Variants in CERS3 observed in about 807,000 individuals in gnomAD.
CERS3 encodes LAG1 homolog, ceramide synthase 3.
CERS3 carries 33 observed loss-of-function variants against 50.3 expected under a neutral mutation model. The observed-to-expected ratio is 0.66, with a 90% CI of 0.50 to 0.88. CERS3 has a LOEUF of 0.88. Ranked by LOEUF, CERS3 falls within the 40% of genes least tolerant of loss-of-function variation. CERS3 has a pLI of 0.00. For missense variants in CERS3, 470 were observed against 460.3 expected, an observed-to-expected ratio of 1.02 and a Z score of -0.19; for synonymous variants, 176 against 155.2, an observed-to-expected ratio of 1.13 and a Z score of -0.99.
intron 3 of CERS3, among the ~76,000 whole-genome samples, chr15:100,494,543 T>C (rs1352238720): frequency 6.6e-6 from 1 of 152,056 alleles, no homozygotes; most frequent in Admixed American, 6.6e-5. Context: ...CTTAGTCACC[T>C]TTTTTGAATT....
chr15:100,465,047 T>C (rs1327263448), intron 10 of CERS3, among the ~76,000 whole-genome samples: 3 of 152,086 alleles, frequency 2.0e-5, no homozygotes, highest in African/African-American at 7.2e-5. Context: ...ATGCACACAC[T>C]CCAGCTCTCC....
intron 10 of CERS3, among the ~76,000 whole-genome samples, chr15:100,465,508 T>C (rs544857334): frequency 1.4e-3 from 209 of 152,298 alleles, no homozygotes; most frequent in South Asian, 6.4e-3. Flanking sequence ...CCCTCTCTGA[T>C]TGACATACTT....
intron 1 of CERS3, among the ~76,000 whole-genome samples, chr15:100,523,215 C>G (rs1433842102): frequency 6.6e-6 from 1 of 152,138 alleles, no homozygotes; most frequent in Non-Finnish European, 1.5e-5. Context: ...TTGGATAGGA[C>G]TCCTTGTTTG....
At chr15:100,506,232 T>C (rs2036175077) in intron 2 of CERS3, among the ~76,000 whole-genome samples, 1 of 152,046 alleles carries the variant, frequency 6.6e-6, no homozygotes, top group African/African-American at 2.4e-5. Flanking sequence ...TAAAGGACAC[T>C]GACAACTCAA....
intron 11 of CERS3, among the ~76,000 whole-genome samples, chr15:100,418,503 C>T (rs1478888749): frequency 6.7e-6 from 1 of 149,082 alleles, no homozygotes; most frequent in Non-Finnish European, 1.5e-5. Context: ...TTGGAAAACA[C>T]TCTGCAGGAT....
intron 11 of CERS3, among the ~76,000 whole-genome samples, chr15:100,406,038 C>G (rs953468537): frequency 4.6e-5 from 7 of 152,214 alleles, no homozygotes; most frequent in African/African-American, 1.4e-4. Context: ...TCCTCCTCTT[C>G]TCTCATGGTG....
In CERS3 at chr15:100,417,564, T is replaced by C. The variant is rs1255289851; in HGVS notation, c.1000-14699A>G. Among the ~76,000 whole-genome samples, 3 of 152,042 alleles carry C rather than the reference T, an allele frequency of 2.0e-5. No individual in the cohort carries two copies. In the East Asian group the frequency reaches 5.8e-4, roughly 29 times the overall value. On this transcript the variant is annotated intron_variant, in intron 11 of 11. Coordinates refer to ENST00000679737, the MANE Select transcript of CERS3 (RefSeq NM_001378789.1). ...AATAAAGCAGCCTGGAAGCTCGAAC[T>C]GGGTGGAGCCCACCACAGCTCAAGG...
intron 1 of CERS3, among the ~76,000 whole-genome samples, chr15:100,526,342 G>A (rs1245907897): frequency 6.6e-6 from 1 of 152,170 alleles, no homozygotes; most frequent in Non-Finnish European, 1.5e-5. Context: ...ATGAACAGTT[G>A]CCACGATACA....
chr15:100,492,281 T>C (rs1240314894), intron 3 of CERS3, among the ~76,000 whole-genome samples: 1 of 152,250 alleles, frequency 6.6e-6, no homozygotes, highest in African/African-American at 2.4e-5. Flanking sequence ...AGCTGTTCTA[T>C]CAATTATTGA....
intron 1 of CERS3, among the ~76,000 whole-genome samples, chr15:100,543,611 C>G (rs1596843305): frequency 6.6e-6 from 1 of 151,678 alleles, no homozygotes; most frequent in African/African-American, 2.4e-5. Context: ...CTCACTGTCA[C>G]CTCTGCCTCC....
intron 2 of CERS3, among the ~76,000 whole-genome samples, chr15:100,506,854 G>T (rs2036200484): frequency 6.6e-6 from 1 of 152,194 alleles, no homozygotes; most frequent in Non-Finnish European, 1.5e-5. Context: ...TTTAACATTT[G>T]AATGTGGTGT....
intron 11 of CERS3, among the ~76,000 whole-genome samples, chr15:100,445,719 T>C (rs1342760709): frequency 6.6e-6 from 1 of 152,180 alleles, no homozygotes; most frequent in Non-Finnish European, 1.5e-5. Context: ...TATATCTCCA[T>C]ACCATCCCCC....
Position 100,400,418 on chromosome 15 carries a change from G to A in CERS3, c.*2295C>T, listed in dbSNP as rs888361789. 1 of 152,154 alleles carries A rather than the reference G, an allele frequency of 6.6e-6. No individual in the cohort carries two copies. Among genetic ancestry groups the A allele is most frequent in the African/African-American group, 2.4e-5 (1 of 41,418 alleles). The allele number at this position is 152,154 out of a possible 1,614,324, so 9.4% of individuals were successfully genotyped here. A position where few individuals can be genotyped will look rare whatever the true frequency, so the allele number is the denominator to read the frequency against. On this transcript the variant is annotated 3_prime_UTR_variant, in exon 12 of 12. Transcript: ENST00000679737. ...GGTACACTGGACTTTTGGCTTTATT[G>A]TAGTCATTACTGTTACAATATTGAT... is the stretch of plus-strand genomic sequence containing the variant.
intron 1 of CERS3, among the ~76,000 whole-genome samples, chr15:100,522,118 G>T (rs1567681092): frequency 6.6e-6 from 1 of 152,196 alleles, no homozygotes; most frequent in Non-Finnish European, 1.5e-5. Flanking sequence ...GACTCCTTAT[G>T]TTGCTAACAT....
chr15:100,484,487 G>T, intron 5 of CERS3, 63 bp downstream of exon 5: 1 of 1,144,862 alleles, frequency 8.7e-7, no homozygotes, highest in Non-Finnish European at 1.3e-6. Context: ...TATTCTCTCT[G>T]CAAGGACCAC....
intron 5 of CERS3, 23 bp from the exon 6 acceptor site, chr15:100,480,069 T>C (rs1259541312): frequency 6.3e-7 from 1 of 1,582,316 alleles, no homozygotes; most frequent in African/African-American, 1.4e-5. Flanking sequence ...AGAAAAATCT[T>C]TACTCCCTTG....
intron 2 of CERS3, among the ~76,000 whole-genome samples, chr15:100,504,997 G>A (rs557620091): frequency 2.0e-5 from 3 of 152,228 alleles, no homozygotes; most frequent in Middle Eastern, 3.4e-3. Flanking sequence ...GAAACCAGTC[G>A]AGGCCACAGA....
intron 11 of CERS3, among the ~76,000 whole-genome samples, chr15:100,434,412 T>C (rs1477412883): frequency 6.6e-6 from 1 of 152,202 alleles, no homozygotes. Flanking sequence ...AGAGCACAGA[T>C]CAAGCCATCT....
intron 10 of CERS3, among the ~76,000 whole-genome samples, chr15:100,467,860 T>C (rs1188653720): frequency 2.1e-5 from 1 of 48,102 alleles, no homozygotes; most frequent in Non-Finnish European, 5.8e-5. Context: ...TATAGATAGA[T>C]AGATAGATAG....
Sources: allele counts gnomAD v4.1 joint callset (sites outside exome capture counted in the v4.1 genomes callset), GRCh38; gene constraint gnomAD v4.1.1; transcripts MANE v1.5; gene names NCBI Gene and HGNC (gene_info 2026-07-23, HGNC 2026-07-21).